The following ZFAT variants were observed in gnomAD, a reference collection of about 807,000 sequenced individuals.
ZFAT encodes the protein zinc finger and AT-hook domain containing.
A neutral mutation model predicts 117.7 loss-of-function variants in ZFAT; 64 were observed. The observed-to-expected ratio is 0.54, with a 90% CI of 0.44 to 0.67. ZFAT has a LOEUF of 0.67. Among genes scored for constraint, ZFAT ranks in the 30% least tolerant of loss-of-function variants. The pLI is 0.00. For synonymous variants in ZFAT, 679 were observed against 615.0 expected (o/e 1.10, Z -1.54); for missense variants, 1,433 against 1,584.5 (o/e 0.90, Z 1.62).
At chr8:134,683,955 A>C (rs527526672) in intron 1 of ZFAT, among the ~76,000 whole-genome samples, 1 of 152,344 alleles carries the variant, frequency 6.6e-6, no homozygotes, top group Admixed American at 6.5e-5. Flanking sequence ...AAACCTCTGC[A>C]GCCCCTGCAG....
At chr8:134,504,912 C>T (rs1295762100) in intron 15 of ZFAT, among the ~76,000 whole-genome samples, 3 of 152,146 alleles carry the variant, frequency 2.0e-5, no homozygotes, top group Non-Finnish European at 4.4e-5. Flanking sequence ...GAGCCCTGCT[C>T]CCACCCTACA....
At chr8:134,604,407 G>C (rs923766222) in intron 5 of ZFAT, among the ~76,000 whole-genome samples, 4 of 152,214 alleles carry the variant, frequency 2.6e-5, no homozygotes, top group African/African-American at 9.6e-5. Flanking sequence ...AAGTCTCCCT[G>C]TGTGGGGTTT....
In ZFAT at chr8:134,601,746, T is replaced by A. The variant is rs754523497; in HGVS notation, c.1973A>T (p.Gln658Leu). The change falls in exon 6 of 16, where the codon CAG becomes CTG. Residue 658 changes from glutamine to leucine, a missense_variant. Transcript: ENST00000377838. ...ACCAGCTGAAAGCACAGCCATGTTC[T>A]GCCCTTCCCCTAGGGGGCTCTGGGC... ...HGAQSPLGEG[Q>L]NMAVLSAGDP... is the part of the protein sequence containing the mutation. 6.2e-7 allele frequency: 1 copy of A among 1,613,656 alleles called. No individual in the cohort carries two copies. Among genetic ancestry groups the A allele is most frequent in the South Asian group, 1.1e-5 (1 of 90,982 alleles).
At chr8:134,481,662 C>CA (rs1245771317) in intron 15 of ZFAT, among the ~76,000 whole-genome samples, 1 of 152,218 alleles carries the variant, frequency 6.6e-6, no homozygotes, top group Non-Finnish European at 1.5e-5. Context: ...CCCCTGGCAG[C>CA]ACAGGGGACA....
chr8:134,557,052 A>G (rs1367163843), intron 11 of ZFAT, among the ~76,000 whole-genome samples: 1 of 152,200 alleles, frequency 6.6e-6, no homozygotes, highest in South Asian at 2.1e-4. Context: ...TCATAACATG[A>G]ACATGTGTGA....
intron 3 of ZFAT, among the ~76,000 whole-genome samples, chr8:134,625,206 T>C (rs1019172584): frequency 6.6e-5 from 10 of 152,250 alleles, no homozygotes; most frequent in African/African-American, 2.2e-4. Context: ...GCTTCCAGCA[T>C]GTGCTCTTCC....
chr8:134,627,838 G>A (rs939496195), intron 3 of ZFAT, among the ~76,000 whole-genome samples: 5 of 152,166 alleles, frequency 3.3e-5, no homozygotes, highest in East Asian at 1.9e-4. Context: ...TGTTTGTGCC[G>A]AATCCACCAA....
chr8:134,823,137 G>C, the ZFAT span, among the ~76,000 whole-genome samples: 3 of 151,200 alleles, frequency 2.0e-5, no homozygotes, highest in Admixed American at 6.6e-5. Context: ...CAGAAATCAG[G>C]AGAACTAGTT....
At chr8:134,489,030 AG>A (rs964781491) in intron 15 of ZFAT, among the ~76,000 whole-genome samples, 3 of 141,372 alleles carry the variant, frequency 2.1e-5, no homozygotes, top group African/African-American at 5.8e-5. Flanking sequence ...TGAAACAAAG[AG>A]GAAAAAAAAA....
chr8:134,592,972 C>T (rs183311081), intron 7 of ZFAT, among the ~76,000 whole-genome samples: 1 of 152,350 alleles, frequency 6.6e-6, no homozygotes, highest in African/African-American at 2.4e-5. Flanking sequence ...AGAAACTGTC[C>T]TGAGTTTTCT....
At chr8:134,485,732 C>T (rs866651524) in intron 15 of ZFAT, among the ~76,000 whole-genome samples, 13 of 149,186 alleles carry the variant, frequency 8.7e-5, no homozygotes, top group African/African-American at 3.2e-4. Context: ...AGGACACATT[C>T]AAGGACATCA....
intron 15 of ZFAT, among the ~76,000 whole-genome samples, chr8:134,505,514 C>T (rs1410093620): frequency 1.3e-5 from 2 of 152,138 alleles, no homozygotes; most frequent in Non-Finnish European, 2.9e-5. Flanking sequence ...GAGAAGCCAT[C>T]CCAGGTGGAC....
chr8:134,677,164 TTGAAAAGATCAACAAAA>T, intron 1 of ZFAT, among the ~76,000 whole-genome samples: 1 of 152,300 alleles, frequency 6.6e-6, no homozygotes, highest in African/African-American at 2.4e-5. Context: ...AGCTGGTTTT[TTGAAAAGATCAACAAAA>T]TAGATAGACT....
chr8:134,561,776 C>T (rs1415651909), intron 11 of ZFAT, among the ~76,000 whole-genome samples: 1 of 152,052 alleles, frequency 6.6e-6, no homozygotes, highest in Non-Finnish European at 1.5e-5. Flanking sequence ...AAAAGCGAGA[C>T]TTGATTTCTT....
chr8:134,516,592 C>T (rs764580924), intron 13 of ZFAT, among the ~76,000 whole-genome samples: 7 of 152,062 alleles, frequency 4.6e-5, no homozygotes, highest in Non-Finnish European at 8.8e-5. Flanking sequence ...CCCAGCACTT[C>T]GGGAAGCCAG....
chr8:134,568,993 G>A (rs1824678808), intron 10 of ZFAT, among the ~76,000 whole-genome samples: 3 of 152,218 alleles, frequency 2.0e-5, no homozygotes, highest in Admixed American at 2.0e-4. Context: ...TCGAATGGCT[G>A]TACGTGGATG....
At position 134,628,778 on chromosome 8, in the gene ZFAT, C is replaced by T. The variant is rs1374231855; in HGVS notation, c.448+8683G>A. Among the ~76,000 whole-genome samples the T allele has an allele frequency of 2.0e-5, 3 of 152,178 alleles. No individual in the cohort carries two copies. In the East Asian group the frequency reaches 5.8e-4, roughly 29 times the overall value. On this transcript the variant is annotated intron_variant, in intron 3 of 15. Coordinates refer to ENST00000377838, the MANE Select transcript of ZFAT (RefSeq NM_020863.4). ...GTGACACTGGATAGGATGCTTGCCCCAGTTTCCTCATCCATGAAATGGGAA... is the reference window on the plus strand; with the variant it reads ...GTGACACTGGATAGGATGCTTGCCCTAGTTTCCTCATCCATGAAATGGGAA...
At chr8:134,618,855 G>A (rs1034905684) in intron 3 of ZFAT, among the ~76,000 whole-genome samples, 6 of 152,180 alleles carry the variant, frequency 3.9e-5, no homozygotes, top group African/African-American at 9.7e-5. Flanking sequence ...CACTGTTCTA[G>A]CATTTGTAAT....
At chr8:134,791,525 G>C in the ZFAT span, among the ~76,000 whole-genome samples, 2 of 152,064 alleles carry the variant, frequency 1.3e-5, no homozygotes, top group Non-Finnish European at 2.9e-5. Context: ...TTTCTTTTGT[G>C]GTTAGCTGTG....
Sources: gnomAD v4.1 joint callset for allele counts (sites outside exome capture counted in the v4.1 genomes callset) on GRCh38, gnomAD v4.1.1 for gene constraint, MANE v1.5 for transcripts, NCBI Gene and HGNC (gene_info 2026-07-23, HGNC 2026-07-21) for gene names.